Variants in SGMS1 observed in about 807,000 individuals in gnomAD.
SGMS1 encodes the protein sphingomyelin synthase 1.
Under a neutral mutation model 46.2 loss-of-function variants are expected in SGMS1, and 13 were observed. The ratio of observed to expected loss-of-function variants is 0.28; its 90% CI spans 0.18 to 0.45. The LOEUF (loss-of-function observed/expected upper bound fraction) is 0.45. Among genes scored for constraint, SGMS1 ranks in the 20% least tolerant of loss-of-function variants. The pLI, the probability that SGMS1 is intolerant of heterozygous loss-of-function variation, is 1.00. For synonymous variants in SGMS1, 203 were observed against 187.8 expected (o/e 1.08, Z -0.66); for missense variants, 324 against 519.9 (o/e 0.62, Z 3.66).
intron 2 of SGMS1, among the ~76,000 whole-genome samples, chr10:50,559,267 C>T (rs145736741): frequency 1.3e-5 from 2 of 152,332 alleles, no homozygotes; most frequent in East Asian, 3.9e-4. Context: ...CTTTAAGCAA[C>T]ATCAGTATCC....
rs142911100 is a variant in SGMS1, at chr10:50,517,519, G to A, written c.-498+2312C>T. Among the ~76,000 whole-genome samples, 1,381 of 152,110 alleles carry A rather than the reference G, an allele frequency of 9.1e-3. 8 individuals are homozygous for A. Among genetic ancestry groups the A allele is most frequent in the Admixed American group, 0.017 (260 of 15,272 alleles). On this transcript the variant is annotated intron_variant, in intron 3 of 10. Transcript: ENST00000361781. Reference sequence around the variant, plus strand: ...AGGGAAAAACAAGAAAGAAAATACTGAACAGAAATTAAGAGACATAAAGGA... The same window carrying A: ...AGGGAAAAACAAGAAAGAAAATACTAAACAGAAATTAAGAGACATAAAGGA...
intron 8 of SGMS1, among the ~76,000 whole-genome samples, chr10:50,319,614 A>G (rs1476624569): frequency 1.3e-5 from 2 of 152,176 alleles, no homozygotes; most frequent in African/African-American, 2.4e-5. Flanking sequence ...GAAGAGTCCA[A>G]TCCAGTTTCT....
At chr10:50,587,287 C>A (rs1223705058) in intron 2 of SGMS1, among the ~76,000 whole-genome samples, 1 of 151,752 alleles carries the variant, frequency 6.6e-6, no homozygotes, top group East Asian at 1.9e-4. Context: ...AAATAGCCTA[C>A]AAATAGCAGA....
intron 5 of SGMS1, among the ~76,000 whole-genome samples, chr10:50,439,105 G>T (rs1254024485): frequency 6.6e-6 from 1 of 152,178 alleles, no homozygotes; most frequent in African/African-American, 2.4e-5. Context: ...AGACATGTTG[G>T]AGACTTGTTG....
chr10:50,546,403 C>T (rs991436727), intron 2 of SGMS1, among the ~76,000 whole-genome samples: 1 of 152,094 alleles, frequency 6.6e-6, no homozygotes, highest in African/African-American at 2.4e-5. Context: ...AATCATGCTG[C>T]TATAAAGACA....
chr10:50,408,451 A>AAT (rs1849050665), intron 6 of SGMS1, among the ~76,000 whole-genome samples: 4 of 148,584 alleles, frequency 2.7e-5, no homozygotes, highest in Admixed American at 6.7e-5. Flanking sequence ...AAAAAAAAAA[A>AAT]AAAACAAAAT....
intron 6 of SGMS1, among the ~76,000 whole-genome samples, chr10:50,393,240 C>T (rs1449234226): frequency 6.6e-6 from 1 of 152,128 alleles, no homozygotes; most frequent in Non-Finnish European, 1.5e-5. Flanking sequence ...AAATATTACC[C>T]ACGTTACACT....
intron 6 of SGMS1, chr10:50,418,091 C>T (rs1292107611): frequency 6.6e-6 from 1 of 152,364 alleles, no homozygotes; most frequent in African/African-American, 2.4e-5. Flanking sequence ...GGCAGTGTCT[C>T]CTGGAAAGTT....
intron 1 of SGMS1, among the ~76,000 whole-genome samples, chr10:50,591,694 G>A (rs1255916868): frequency 1.3e-5 from 2 of 152,152 alleles, no homozygotes; most frequent in African/African-American, 4.8e-5. Flanking sequence ...TCTCCATAAT[G>A]AAAGGCAGTT....
intron 8 of SGMS1, among the ~76,000 whole-genome samples, chr10:50,312,163 C>T (rs538663184): frequency 3.3e-5 from 5 of 152,050 alleles, no homozygotes; most frequent in African/African-American, 4.8e-5. Flanking sequence ...AATTTAATTA[C>T]CATGATCCAA....
At chr10:50,392,460 T>C (rs1848786867) in intron 6 of SGMS1, among the ~76,000 whole-genome samples, 1 of 152,184 alleles carries the variant, frequency 6.6e-6, no homozygotes, top group East Asian at 1.9e-4. Flanking sequence ...CACCTAACTG[T>C]ACAAGGTCGC....
intron 6 of SGMS1, 105 bp downstream of exon 6, chr10:50,433,371 T>A (rs1849430673): frequency 6.6e-6 from 1 of 152,302 alleles, no homozygotes; most frequent in South Asian, 2.1e-4. Flanking sequence ...TAGTTTCTCT[T>A]TTGCACTCAA....
intron 2 of SGMS1, among the ~76,000 whole-genome samples, chr10:50,530,368 T>G (rs927321996): frequency 1.3e-5 from 2 of 152,234 alleles, no homozygotes; most frequent in Non-Finnish European, 2.9e-5. Context: ...TCAGTGTGAC[T>G]GAACATTAAA....
intron 1 of SGMS1, among the ~76,000 whole-genome samples, chr10:50,605,471 C>A (rs1838686344): frequency 6.6e-6 from 1 of 152,212 alleles, no homozygotes; most frequent in African/African-American, 2.4e-5. Context: ...AAGGTACTGA[C>A]AAGTAAGAGC....
At chr10:50,428,556 T>G (rs779250091) in intron 6 of SGMS1, among the ~76,000 whole-genome samples, 4 of 152,208 alleles carry the variant, frequency 2.6e-5, no homozygotes, top group African/African-American at 4.8e-5. Context: ...CCCGTAATGA[T>G]AGAAGCTGTC....
intron 2 of SGMS1, among the ~76,000 whole-genome samples, chr10:50,536,641 T>C (rs907021882): frequency 1.3e-5 from 2 of 152,222 alleles, no homozygotes; most frequent in African/African-American, 4.8e-5. Context: ...AAGTGAATAT[T>C]TTGATTAATG....
chr10:50,384,421 C>G (rs1848651957), intron 6 of SGMS1, among the ~76,000 whole-genome samples: 1 of 149,546 alleles, frequency 6.7e-6, no homozygotes, highest in Admixed American at 6.7e-5. Context: ...CTTCTTTCTC[C>G]TTTCCCTCTT....
intron 6 of SGMS1, among the ~76,000 whole-genome samples, chr10:50,389,853 G>T (rs897585250): frequency 2.0e-5 from 3 of 152,102 alleles, no homozygotes; most frequent in Admixed American, 6.5e-5. Context: ...AGCAATTTAG[G>T]AATCATTTTG....
chr10:50,424,270 T>C (rs1849294133), intron 6 of SGMS1, among the ~76,000 whole-genome samples: 1 of 152,218 alleles, frequency 6.6e-6, no homozygotes, highest in South Asian at 2.1e-4. Flanking sequence ...TTTCTATTTC[T>C]TAAAAGAAGG....
Sources: allele counts gnomAD v4.1 joint callset (sites outside exome capture counted in the v4.1 genomes callset), GRCh38; gene constraint gnomAD v4.1.1; transcripts MANE v1.5; gene names NCBI Gene and HGNC (gene_info 2026-07-23, HGNC 2026-07-21).